Variants in AUTS2 observed in about 807,000 individuals in gnomAD.
The protein encoded by AUTS2 is activator of transcription and developmental regulator AUTS2.
Under a neutral mutation model 112.4 loss-of-function variants are expected in AUTS2, and 17 were observed. The observed-to-expected ratio is 0.15, with a 90% CI of 0.10 to 0.23. AUTS2 has a LOEUF of 0.23. Among genes scored for constraint, AUTS2 ranks in the 10% least tolerant of loss-of-function variants. The probability of loss-of-function intolerance (pLI) is 1.00; values close to 1 mark genes in which losing one functional copy is unlikely to be tolerated. For missense variants in AUTS2, 1,510 were observed against 1,701.6 expected (o/e 0.89, Z 1.98); for synonymous variants, 751 against 702.7 (o/e 1.07, Z -1.09).
intron 6 of AUTS2, among the ~76,000 whole-genome samples, chr7:70,726,718 A>T (rs916033267): frequency 2.0e-5 from 3 of 152,190 alleles, no homozygotes; most frequent in Non-Finnish European, 4.4e-5. Context: ...AGACCCTTTA[A>T]TGCTCCAGTT....
In AUTS2 at chr7:70,577,891, C is replaced by T. The variant is rs1005078900; in HGVS notation, c.691-120678C>T. Among the ~76,000 whole-genome samples the T allele has an allele frequency of 3.3e-5, 5 of 151,380 alleles. No individual in the cohort carries two copies. In the East Asian group the frequency reaches 5.8e-4, roughly 18 times the overall value. ...TGTCGCCCAGGCTGGAGTGCAGTGG[C>T]GTGATCTCAGCTCACTGCAAGCTCC... On this transcript the variant is annotated intron_variant, in intron 5 of 18. Transcript: ENST00000342771.
chr7:70,787,153 A>C (rs1380724143), intron 17 of AUTS2, 56 bp from the exon 18 acceptor site: 9 of 1,546,174 alleles, frequency 5.8e-6, no homozygotes, highest in Non-Finnish European at 7.1e-6. Context: ...TACCTTCATT[A>C]CAGCAGATTA....
intron 1 of AUTS2, among the ~76,000 whole-genome samples, chr7:69,712,380 C>G (rs1404770918): frequency 1.3e-5 from 2 of 152,168 alleles, no homozygotes; most frequent in Non-Finnish European, 2.9e-5. Context: ...ACTTCTACTT[C>G]TCTTCTTTCC....
chr7:70,236,029 T>C (rs1267617956), intron 4 of AUTS2, among the ~76,000 whole-genome samples: 1 of 152,216 alleles, frequency 6.6e-6, no homozygotes, highest in African/African-American at 2.4e-5. Context: ...TTAGCACTTA[T>C]CACTATTCGA....
At chr7:69,668,157 G>T (rs1796156769) in intron 1 of AUTS2, among the ~76,000 whole-genome samples, 1 of 152,146 alleles carries the variant, frequency 6.6e-6, no homozygotes, top group South Asian at 2.1e-4. Flanking sequence ...GATATTCCCT[G>T]TTGTTGGGCT....
rs1309064482 is a variant in AUTS2 at position 70,787,357 on chromosome 7, G to A, written c.2457G>A (p.Ala819=). Residue 819 remains alanine, a synonymous_variant, in exon 18 of 19, where the codon GCG becomes GCA. Transcript: ENST00000342771. The part of the protein sequence containing the change: ...WLKPGELERS[A]SAAAHDRDRD... ...AGCCAGGGGAGCTGGAGCGCAGCGC[G>A]TCCGCTGCAGCTCATGACAGAGATA... 5.6e-6 allele frequency: 9 copies of A among 1,613,514 alleles called. No individual in the cohort carries two copies. The highest frequency in any genetic ancestry group is 1.1e-5 in the South Asian group (1 of 91,066).
chr7:70,787,362 C>T lies in AUTS2; in HGVS notation c.2462C>T (p.Ala821Val). Residue 821 changes from alanine to valine, a missense_variant, in exon 18 of 19, where the codon GCT (alanine) becomes GTT (valine). Transcript: ENST00000342771. ...KPGELERSAS[A>V]AAHDRDRDVD... ...GGGGAGCTGGAGCGCAGCGCGTCCG[C>T]TGCAGCTCATGACAGAGATAGAGAT... 6.2e-7 allele frequency: 1 copy of T among 1,614,100 alleles called. No homozygotes were observed. Among genetic ancestry groups the T allele is most frequent in the Non-Finnish European group, 8.5e-7 (1 of 1,179,952 alleles).
At chr7:70,700,055 G>C (rs1476294724) in intron 6 of AUTS2, among the ~76,000 whole-genome samples, 1 of 152,150 alleles carries the variant, frequency 6.6e-6, no homozygotes. Flanking sequence ...AATAAGAGTT[G>C]GCTCCAAGAC....
chr7:69,983,967 C>T (rs544180271), intron 2 of AUTS2, among the ~76,000 whole-genome samples: 77 of 152,286 alleles, frequency 5.1e-4, no homozygotes, highest in African/African-American at 1.7e-3. Flanking sequence ...GCTCTAGTTT[C>T]ATTTTATCTA....
chr7:70,596,553 C>G (rs1329546382), intron 5 of AUTS2: 1 of 152,244 alleles, frequency 6.6e-6, no homozygotes, highest in African/African-American at 2.4e-5. Flanking sequence ...CTAAAATGCG[C>G]CCTGCCTGGA....
intron 1 of AUTS2, among the ~76,000 whole-genome samples, chr7:69,724,275 G>A (rs1786393724): frequency 6.6e-6 from 1 of 152,076 alleles, no homozygotes; most frequent in Non-Finnish European, 1.5e-5. Flanking sequence ...TCTTTTTAAC[G>A]ATTTCATTAG....
At chr7:70,413,246 G>A (rs1366121887) in intron 4 of AUTS2, among the ~76,000 whole-genome samples, 1 of 152,172 alleles carries the variant, frequency 6.6e-6, no homozygotes, top group African/African-American at 2.4e-5. Context: ...CCACATTTCT[G>A]AAATGACTAT....
chr7:70,512,441 G>A (rs539494952), intron 5 of AUTS2, among the ~76,000 whole-genome samples: 21 of 152,152 alleles, frequency 1.4e-4, no homozygotes, highest in Non-Finnish European at 3.1e-4. Context: ...GGGGCCAGAA[G>A]CAAGGAAGGA....
chr7:69,851,958 A>T (rs981081533), intron 1 of AUTS2, among the ~76,000 whole-genome samples: 1 of 152,086 alleles, frequency 6.6e-6, no homozygotes, highest in Non-Finnish European at 1.5e-5. Context: ...TTACTTTCTG[A>T]TATACCTTTT....
intron 4 of AUTS2, among the ~76,000 whole-genome samples, chr7:70,160,670 G>A (rs1808030632): frequency 6.6e-6 from 1 of 152,208 alleles, no homozygotes; most frequent in Admixed American, 6.5e-5. Flanking sequence ...GGCTGTGAGT[G>A]TCAGACACTG....
intron 5 of AUTS2, among the ~76,000 whole-genome samples, chr7:70,491,020 C>T (rs140469948): frequency 1.3e-5 from 2 of 152,304 alleles, no homozygotes; most frequent in Non-Finnish European, 2.9e-5. Context: ...GTGGCATGGG[C>T]CAGTTTCATC....
At chr7:70,236,859 A>G (rs1584915765) in intron 4 of AUTS2, among the ~76,000 whole-genome samples, 1 of 152,230 alleles carries the variant, frequency 6.6e-6, no homozygotes, top group East Asian at 1.9e-4. Context: ...TAGACTCATC[A>G]CCCAAGCCAG....
At chr7:70,099,498 ATT>A (rs202246440) in intron 2 of AUTS2, among the ~76,000 whole-genome samples, 8 of 138,692 alleles carry the variant, frequency 5.8e-5, no homozygotes, top group Admixed American at 7.3e-5. Context: ...GACTCAGGGG[ATT>A]TTTTTTTTTT....
intron 4 of AUTS2, among the ~76,000 whole-genome samples, chr7:70,220,368 G>A (rs1322948159): frequency 2.0e-5 from 3 of 152,270 alleles, no homozygotes; most frequent in South Asian, 4.1e-4. Context: ...GCATGCCAGC[G>A]TCACTCCTCA....
Sources: gnomAD v4.1 joint callset for allele counts (sites outside exome capture counted in the v4.1 genomes callset) on GRCh38, gnomAD v4.1.1 for gene constraint, MANE v1.5 for transcripts, NCBI Gene and HGNC (gene_info 2026-07-23, HGNC 2026-07-21) for gene names.